Variants in CADPS observed in about 807,000 individuals in gnomAD.
The protein encoded by CADPS is calcium dependent secretion activator.
In CADPS, 57 loss-of-function variants were observed where a neutral mutation model predicts 167.3. That is an observed-to-expected ratio of 0.34 (90% CI 0.28 to 0.42). The LOEUF (loss-of-function observed/expected upper bound fraction) is 0.42, where lower values mean the gene tolerates loss of function less well. Ranked by LOEUF, CADPS falls within the 20% of genes least tolerant of loss-of-function variation. The pLI is 1.00. For synonymous variants in CADPS, 676 were observed against 635.3 expected (o/e 1.06, Z -0.96); for missense variants, 1,414 against 1,738.1 (o/e 0.81, Z 3.32).
chr3:62,547,497 A>G (rs1048827496), intron 11 of CADPS, among the ~76,000 whole-genome samples: 1 of 150,268 alleles, frequency 6.7e-6, no homozygotes, highest in Non-Finnish European at 1.5e-5. Flanking sequence ...ACCACTAGGT[A>G]CTGATAAATC....
In CADPS at chr3:62,707,515, T is replaced by C. The variant is rs566904302; in HGVS notation, c.889-45121A>G. 2.0e-5 allele frequency among the ~76,000 whole-genome samples: 3 copies of C among 152,224 alleles called. No individual in the cohort carries two copies. In the South Asian group the frequency reaches 6.2e-4, roughly 32 times the overall value. On this transcript the variant is annotated intron_variant, in intron 3 of 29. Coordinates refer to ENST00000383710, the MANE Select transcript of CADPS (RefSeq NM_003716.4). The stretch of plus-strand genomic sequence containing the variant: ...CTTTCTGAATGAATGAATCAAAAGC[T>C]GATAGTGGGACCTGAAGGGAAAATA...
At chr3:62,552,405 G>A (rs1444249194) in intron 10 of CADPS, among the ~76,000 whole-genome samples, 1 of 152,090 alleles carries the variant, frequency 6.6e-6, no homozygotes, top group Non-Finnish European at 1.5e-5. Context: ...AGAAGTAGGT[G>A]GAAACTTCTC....
At chr3:62,765,824 C>T in intron 2 of CADPS, 47 bp downstream of exon 2, 1 of 1,274,234 alleles carries the variant, frequency 7.8e-7, no homozygotes, top group Admixed American at 1.7e-5. Context: ...ACTCCCCAGG[C>T]ATAGGGCTTG....
chr3:62,474,453 T>A, intron 23 of CADPS, 133 bp from the exon 24 acceptor site: 1 of 771,112 alleles, frequency 1.3e-6, no homozygotes, highest in Admixed American at 2.3e-5. Flanking sequence ...ACTTCACATG[T>A]GTTCCCTTTT....
chr3:62,853,155 T>C (rs2078967446), intron 1 of CADPS, among the ~76,000 whole-genome samples: 2 of 152,294 alleles, frequency 1.3e-5, no homozygotes, highest in Admixed American at 6.5e-5. Context: ...AATGTCACTG[T>C]GATCAATACC....
chr3:62,663,320 C>T (rs541653383), intron 3 of CADPS, among the ~76,000 whole-genome samples: 33 of 152,084 alleles, frequency 2.2e-4, no homozygotes, highest in Non-Finnish European at 4.0e-4. Flanking sequence ...ATTTTATTTA[C>T]AACAGGTGGC....
At chr3:62,804,354 T>C (rs1559702187) in intron 1 of CADPS, among the ~76,000 whole-genome samples, 1 of 152,098 alleles carries the variant, frequency 6.6e-6, no homozygotes. Flanking sequence ...TCTATTTTAA[T>C]AGCTTTCTCA....
chr3:62,424,816 A>G (rs1238820003), intron 28 of CADPS, among the ~76,000 whole-genome samples: 2 of 152,242 alleles, frequency 1.3e-5, no homozygotes, highest in Non-Finnish European at 2.9e-5. Context: ...TTAAGGACTT[A>G]ATTCATGTTT....
At position 62,458,230 on chromosome 3, in the gene CADPS, T is replaced by C. The variant is rs900601744; in HGVS notation, c.3636+7137A>G. ...GAAAGGGCTACTGTTTATCTCTTAT[T>C]AGCCCAGTGGCTCTCTGAGGCAGCT... On this transcript the variant is annotated intron_variant, in intron 26 of 29. Coordinates refer to ENST00000383710, the MANE Select transcript of CADPS (RefSeq NM_003716.4). The surrounding 1 kb of genome is among the most constrained non-coding windows in gnomAD (Gnocchi z 4.6). 1.1e-4 allele frequency among the ~76,000 whole-genome samples: 17 copies of C among 152,144 alleles called. No homozygotes were observed. The highest frequency in any genetic ancestry group is 4.1e-4 in the African/African-American group (17 of 41,444).
intron 6 of CADPS, among the ~76,000 whole-genome samples, chr3:62,593,548 G>A (rs1459729302): frequency 6.6e-6 from 1 of 152,164 alleles, no homozygotes; most frequent in Non-Finnish European, 1.5e-5. Context: ...GGATTGCACT[G>A]AGCCCCAGGT....
At chr3:62,818,558 G>A (rs1419545531) in intron 1 of CADPS, among the ~76,000 whole-genome samples, 9 of 152,198 alleles carry the variant, frequency 5.9e-5, no homozygotes, top group Non-Finnish European at 2.9e-5. Context: ...AGGATGTGAA[G>A]CAACCGTAAC....
At chr3:62,801,749 C>G (rs73108361) in intron 1 of CADPS, among the ~76,000 whole-genome samples, 9 of 151,622 alleles carry the variant, frequency 5.9e-5, no homozygotes, top group Non-Finnish European at 1.2e-4. Flanking sequence ...CCCCGTTTTA[C>G]GGATTAAAAA....
chr3:62,852,571 C>T (rs1005412356), intron 1 of CADPS, among the ~76,000 whole-genome samples: 4 of 151,954 alleles, frequency 2.6e-5, no homozygotes, highest in Admixed American at 2.0e-4. Flanking sequence ...AATCTTTTCT[C>T]CTTACCCACA....
intron 11 of CADPS, among the ~76,000 whole-genome samples, chr3:62,537,240 T>G (rs2074866623): frequency 6.6e-6 from 1 of 152,200 alleles, no homozygotes; most frequent in Non-Finnish European, 1.5e-5. Context: ...TTAGCAAAGC[T>G]TAGGAAAGAG....
intron 1 of CADPS, among the ~76,000 whole-genome samples, chr3:62,806,571 A>T (rs1031860579): frequency 6.6e-6 from 1 of 152,022 alleles, no homozygotes; most frequent in Admixed American, 6.6e-5. Flanking sequence ...TCTTTCTCTC[A>T]CTTAGTCCTG....
At chr3:62,793,713 T>A (rs567316495) in intron 1 of CADPS, among the ~76,000 whole-genome samples, 88 of 152,314 alleles carry the variant, frequency 5.8e-4, no homozygotes, top group African/African-American at 1.9e-3. Context: ...ACAATTTTTT[T>A]AAAAATTGAA....
chr3:62,722,970 G>T (rs1306477841), intron 3 of CADPS, among the ~76,000 whole-genome samples: 1 of 152,128 alleles, frequency 6.6e-6, no homozygotes, highest in East Asian at 1.9e-4. Context: ...GAGGAAGGTG[G>T]TGGTGTCAAA....
chr3:62,829,373 G>A (rs1046801440), intron 1 of CADPS, among the ~76,000 whole-genome samples: 1 of 152,100 alleles, frequency 6.6e-6, no homozygotes, highest in African/African-American at 2.4e-5. Context: ...CTATGTGTAG[G>A]ATACATGCAA....
chr3:62,557,579 C>A (rs747417466), intron 9 of CADPS, 66 bp from the exon 10 acceptor site: 31 of 1,217,324 alleles, frequency 2.5e-5, no homozygotes, highest in Non-Finnish European at 3.4e-5. Context: ...AACCCTCCCC[C>A]ATGTTCTCTC....
Sources: gnomAD v4.1 joint callset for allele counts (sites outside exome capture counted in the v4.1 genomes callset) on GRCh38, gnomAD v4.1.1 for gene constraint, Gnocchi (gnomAD v3.1) non-coding constraint, MANE v1.5 for transcripts, NCBI Gene and HGNC (gene_info 2026-07-23, HGNC 2026-07-21) for gene names.